Variants in GOLGB1 observed in about 807,000 individuals in gnomAD.
The protein encoded by GOLGB1 is golgin subfamily B member 1.
GOLGB1 carries 174 observed loss-of-function variants against 336.9 expected under a neutral mutation model. The observed-to-expected ratio is 0.52, with a 90% CI of 0.46 to 0.59. The LOEUF is 0.59. Ranked by LOEUF, GOLGB1 falls within the 20% of genes least tolerant of loss-of-function variation. The probability of loss-of-function intolerance (pLI) is 0.00; values close to 1 mark genes in which losing one functional copy is unlikely to be tolerated. For missense variants in GOLGB1, 3,331 were observed against 3,645.3 expected, an observed-to-expected ratio of 0.91 and a Z score of 2.22; for synonymous variants, 1,208 against 1,289.2, an observed-to-expected ratio of 0.94 and a Z score of 1.35.
rs773259455 is a variant in GOLGB1, at chr3:121,698,134, T to C, written c.2389A>G (p.Asn797Asp). The change falls in exon 13 of 22, where the codon AAC becomes GAC. Residue 797 changes from asparagine (N) to aspartate (D), a missense_variant. Coordinates refer to ENST00000614479, the MANE Select transcript of GOLGB1 (RefSeq NM_001366282.2). ...CTATGGATCTGTTCAGTGAGCAGGT[T>C]GTCATGGGCAGTTTGGCTTTCATAA... ...LDYESQTAHD[N>D]LLTEQIHSLS... 21 of 1,613,894 alleles carry C rather than the reference T, an allele frequency of 1.3e-5. No individual in the cohort carries two copies. In the South Asian group the frequency reaches 2.3e-4, roughly 18 times the overall value.
In GOLGB1 at chr3:121,696,206, ATCT is replaced by A; in HGVS notation, c.4314_4316del (p.Glu1438del). The A allele has an allele frequency of 6.2e-7, 1 of 1,614,002 alleles. No homozygotes were observed. Among genetic ancestry groups the A allele is most frequent in the Non-Finnish European group, 8.5e-7 (1 of 1,179,966 alleles). On this transcript the variant is annotated inframe_deletion, in exon 13 of 22. Coordinates refer to ENST00000614479, the MANE Select transcript of GOLGB1 (RefSeq NM_001366282.2). ...GCTGTGTATGCAGAGCCTTAATTAA[ATCT>A]TCTTGTTCTATTATCTCTGTCTGTA... is the stretch of plus-strand genomic sequence containing the variant.
chr3:121,713,935 G>C (rs1323034652), intron 10 of GOLGB1, among the ~76,000 whole-genome samples: 1 of 152,148 alleles, frequency 6.6e-6, no homozygotes, highest in African/African-American at 2.4e-5. Flanking sequence ...TGAATAAATA[G>C]ATAGACATTT....
Position 121,695,167 on chromosome 3 carries a change from TATC to T in GOLGB1, c.5353_5355del (p.Asp1785del), listed in dbSNP as rs1942826593. ...CCCTCTTCAGTGACATTCGTTTGGT[TATC>T]ATGTTTCTCGGTGGCCTCTAGGTTA... On this transcript the variant is annotated inframe_deletion, in exon 13 of 22. Transcript: ENST00000614479. 1 of 1,614,006 alleles carries T rather than the reference TATC, an allele frequency of 6.2e-7. No individual in the cohort carries two copies. Among genetic ancestry groups the T allele is most frequent in the East Asian group, 2.2e-5 (1 of 44,884 alleles).
At chr3:121,699,345 A>ATT (rs1943206106) in intron 12 of GOLGB1, among the ~76,000 whole-genome samples, 2 of 152,192 alleles carry the variant, frequency 1.3e-5, no homozygotes, top group Non-Finnish European at 2.9e-5. Context: ...ACAGCTAACT[A>ATT]AACAAAACGC....
intron 10 of GOLGB1, among the ~76,000 whole-genome samples, chr3:121,713,958 G>C (rs750121420): frequency 1.3e-5 from 2 of 152,172 alleles, no homozygotes; most frequent in African/African-American, 4.8e-5. Context: ...TAAAGCAAAC[G>C]TGCTAAAATG....
chr3:121,717,989 T>C (rs1944907407), intron 8 of GOLGB1, among the ~76,000 whole-genome samples: 1 of 152,212 alleles, frequency 6.6e-6, no homozygotes, highest in South Asian at 2.1e-4. Flanking sequence ...CTTTGATCTG[T>C]TACCCTGTTC....
At chr3:121,710,206 G>T (rs547498161) in intron 10 of GOLGB1, among the ~76,000 whole-genome samples, 3 of 151,450 alleles carry the variant, frequency 2.0e-5, no homozygotes, top group East Asian at 1.9e-4. Context: ...TTTCATTGGT[G>T]AATTCTTTTA....
chr3:121,729,074 C>A, intron 4 of GOLGB1, 114 bp downstream of exon 4: 5 of 656,208 alleles, frequency 7.6e-6, no homozygotes, highest in Non-Finnish European at 1.2e-5. Context: ...AAAAACAAAA[C>A]ATTATTTAGT....
chr3:121,727,320 A>ATATTTTTT (rs1365310516), intron 4 of GOLGB1, among the ~76,000 whole-genome samples: 5 of 28,636 alleles, frequency 1.7e-4, no homozygotes, highest in Non-Finnish European at 2.5e-4. Flanking sequence ...ATATATATAT[A>ATATTTTTT]TTTTTTTTTT....
intron 1 of GOLGB1, chr3:121,749,293 G>A (rs1429104361): frequency 6.6e-6 from 1 of 152,372 alleles, no homozygotes; most frequent in Non-Finnish European, 1.5e-5. Flanking sequence ...GGCCGCTCCA[G>A]GAACAAGGCC....
chr3:121,675,525 A>T (rs575011921), intron 17 of GOLGB1, among the ~76,000 whole-genome samples: 4 of 152,302 alleles, frequency 2.6e-5, no homozygotes, highest in African/African-American at 9.6e-5. Context: ...ATGCAACGAC[A>T]TGGATGAATC....
intron 10 of GOLGB1, among the ~76,000 whole-genome samples, chr3:121,705,627 G>A (rs183601755): frequency 5.3e-5 from 8 of 152,256 alleles, no homozygotes; most frequent in Admixed American, 1.3e-4. Flanking sequence ...GCTGCAGTTC[G>A]CAGAATAGAA....
intron 1 of GOLGB1, among the ~76,000 whole-genome samples, chr3:121,731,226 G>GT (rs1200071128): frequency 6.6e-6 from 1 of 152,126 alleles, no homozygotes; most frequent in Non-Finnish European, 1.5e-5. Context: ...AAAATAAAAT[G>GT]TAAGTACCTA....
Position 121,691,480 on chromosome 3 carries a change from T to C in GOLGB1, c.7884A>G (p.Glu2628=). 2 of 1,613,440 alleles carry C rather than the reference T, an allele frequency of 1.2e-6. No homozygotes were observed. The highest frequency in any genetic ancestry group is 1.7e-6 in the Non-Finnish European group (2 of 1,179,842). Residue 2628 remains glutamate, a synonymous_variant, in exon 14 of 22, where the codon GAA becomes GAG. Coordinates refer to ENST00000614479, the MANE Select transcript of GOLGB1 (RefSeq NM_001366282.2). ...CATGATAGAGTCCTAAAGTACCTTC[T>C]TCTTGCAAGGCTGTTACTTGTCTTG... ...QLTRQVTALQ[E]EGTLGLYHAQ...
rs575428454 is a variant in GOLGB1 at position 121,749,364 on chromosome 3, G to A, written c.-3+268C>T. Among the ~76,000 whole-genome samples the A allele has an allele frequency of 4.7e-4, 72 of 152,324 alleles. No individual in the cohort carries two copies. The South Asian group carries it at 9.9e-3, about 21-fold the overall frequency. On this transcript the variant is annotated intron_variant, in intron 1 of 21. Coordinates refer to ENST00000614479, the MANE Select transcript of GOLGB1 (RefSeq NM_001366282.2). ...CGCTCCCAGAGGAGAAACGTACCGG[G>A]GAGGGGACAGACCGTGAGCAAGTGG...
intron 7 of GOLGB1, 34 bp downstream of exon 7, chr3:121,719,612 A>G: frequency 1.9e-6 from 3 of 1,560,674 alleles, no homozygotes; most frequent in Non-Finnish European, 2.6e-6. Flanking sequence ...ATTAACCAAA[A>G]TGACAGTCAT....
At position 121,669,319 on chromosome 3, in the gene GOLGB1, T is replaced by C. The variant is rs1176750504; in HGVS notation, c.9214A>G (p.Ile3072Val). 6 of 1,614,026 alleles carry C rather than the reference T, an allele frequency of 3.7e-6. No homozygotes were observed. Among genetic ancestry groups the C allele is most frequent in the Non-Finnish European group, 5.1e-6 (6 of 1,179,888 alleles). ...CTCTGACTGGTATCGCAGAGCTGAA[T>C]GGAAAGGGTGTTTTTCTCTTCCAGT... ...QLLEEKNTLS[I>V]QLCDTSQSLR... The change falls in exon 18 of 22, where the codon ATT becomes GTT. Residue 3072 changes from isoleucine to valine, a missense_variant. By Grantham distance (29) the Ile-to-Val change is conservative (BLOSUM62 3). Transcript: ENST00000614479.
intron 14 of GOLGB1, among the ~76,000 whole-genome samples, chr3:121,684,273 C>CA (rs201975409): frequency 0.22 from 18,939 of 87,840 alleles, 1,406 homozygotes; most frequent in Middle Eastern, 0.26. Context: ...AGAAATACAG[C>CA]AAAAAAAAAA....
At chr3:121,740,602 T>C (rs1386424537) in intron 1 of GOLGB1, among the ~76,000 whole-genome samples, 2 of 152,240 alleles carry the variant, frequency 1.3e-5, no homozygotes, top group Non-Finnish European at 1.5e-5. Flanking sequence ...ACCAGACTTC[T>C]GCACTATCTT....
Sources: gnomAD v4.1 joint callset for allele counts (sites outside exome capture counted in the v4.1 genomes callset) on GRCh38, gnomAD v4.1.1 for gene constraint, MANE v1.5 for transcripts, NCBI Gene and HGNC (gene_info 2026-07-23, HGNC 2026-07-21) for gene names.